Variants in PLXNA2 observed in about 807,000 individuals in gnomAD.
PLXNA2 encodes the protein plexin-A2.
Under a neutral mutation model 193.5 loss-of-function variants are expected in PLXNA2, and 91 were observed. That is an observed-to-expected ratio of 0.47 (90% CI 0.40 to 0.56). The LOEUF (loss-of-function observed/expected upper bound fraction) is 0.56. Among genes scored for constraint, PLXNA2 ranks in the 20% least tolerant of loss-of-function variants. The probability of loss-of-function intolerance (pLI) is 0.00; values close to 1 mark genes in which losing one functional copy is unlikely to be tolerated. For synonymous variants in PLXNA2, 997 were observed against 1,027.3 expected (o/e 0.97, Z 0.56); for missense variants, 1,995 against 2,503.2 (o/e 0.80, Z 4.33).
intron 3 of PLXNA2, among the ~76,000 whole-genome samples, chr1:208,194,460 C>CAAAAAAAAAAAAAAAAAAAGAAAAAAAAA (rs1670288404): frequency 1.1e-5 from 1 of 93,988 alleles, no homozygotes; most frequent in Non-Finnish European, 2.2e-5. Context: ...CAGCTTACTG[C>CAAAAAAAAAAAAAAAAAAAGAAAAAAAAA]AAAAAAAAAA....
intron 1 of PLXNA2, among the ~76,000 whole-genome samples, chr1:208,223,386 C>T (rs745683670): frequency 1.8e-4 from 27 of 152,272 alleles, no homozygotes; most frequent in Middle Eastern, 3.4e-3. Flanking sequence ...TGGAAGGGTC[C>T]TGGGAGTTAG....
At chr1:208,148,586 A>G (rs1336206227) in intron 3 of PLXNA2, among the ~76,000 whole-genome samples, 2 of 152,216 alleles carry the variant, frequency 1.3e-5, no homozygotes, top group Non-Finnish European at 2.9e-5. Context: ...AGTACTGTCC[A>G]ATATTGATTT....
chr1:208,191,487 A>G (rs1371632501), intron 3 of PLXNA2, among the ~76,000 whole-genome samples: 4 of 152,262 alleles, frequency 2.6e-5, no homozygotes, highest in African/African-American at 4.8e-5. Context: ...ATAATAGTAC[A>G]TACAACAATA....
chr1:208,042,992 T>C lies in PLXNA2; in HGVS notation c.4017+69A>G, dbSNP rs112618992. The C allele has an allele frequency of 4.8e-4, 737 of 1,543,610 alleles. 5 individuals are homozygous for C. In the African/African-American group the frequency reaches 8.9e-3, roughly 19 times the overall value. ...CCTTACTCAGTACTGCTGAGTCTCATCTGGATTTCCTAGGATACCCTGGGC... is the reference window on the plus strand; with the variant it reads ...CCTTACTCAGTACTGCTGAGTCTCACCTGGATTTCCTAGGATACCCTGGGC... On this transcript the variant is annotated intron_variant, in intron 21 of 31. Coordinates refer to ENST00000367033, the MANE Select transcript of PLXNA2 (RefSeq NM_025179.4).
At chr1:208,131,107 A>T (rs554011190) in intron 4 of PLXNA2, among the ~76,000 whole-genome samples, 8 of 152,218 alleles carry the variant, frequency 5.3e-5, no homozygotes, top group Admixed American at 1.3e-4. Flanking sequence ...CCCCTCCCTC[A>T]GGGGCACCCA....
At chr1:208,048,620 C>T (rs1665155112) in intron 17 of PLXNA2, among the ~76,000 whole-genome samples, 1 of 152,124 alleles carries the variant, frequency 6.6e-6, no homozygotes, top group Admixed American at 6.5e-5. Flanking sequence ...TAAATGAGTC[C>T]TGGTGAGGGA....
intron 4 of PLXNA2, among the ~76,000 whole-genome samples, chr1:208,116,052 C>T (rs1301040129): frequency 2.6e-5 from 4 of 152,192 alleles, no homozygotes; most frequent in Non-Finnish European, 5.9e-5. Context: ...GTCAACTGCA[C>T]TCCTGCCAGG....
At chr1:208,222,724 G>C (rs1351508003) in intron 1 of PLXNA2, among the ~76,000 whole-genome samples, 2 of 152,172 alleles carry the variant, frequency 1.3e-5, no homozygotes, top group African/African-American at 2.4e-5. Flanking sequence ...CAGGAGATCT[G>C]GGTGCACATG....
At chr1:208,068,721 A>T (rs929033200) in intron 12 of PLXNA2, among the ~76,000 whole-genome samples, 1 of 152,186 alleles carries the variant, frequency 6.6e-6, no homozygotes, top group Non-Finnish European at 1.5e-5. Context: ...CCCTGGGCAA[A>T]ACCCAGTGGA....
At chr1:208,151,075 G>A (rs1260529169) in intron 3 of PLXNA2, among the ~76,000 whole-genome samples, 7 of 152,238 alleles carry the variant, frequency 4.6e-5, no homozygotes, top group Non-Finnish European at 8.8e-5. Context: ...GCATTTGATT[G>A]TTCTGGGAAA....
chr1:208,120,856 T>C (rs1266897680), intron 4 of PLXNA2, among the ~76,000 whole-genome samples: 1 of 152,012 alleles, frequency 6.6e-6, no homozygotes, highest in Admixed American at 6.6e-5. Flanking sequence ...GAATCACCTT[T>C]GGGTCTGAGA....
intron 1 of PLXNA2, among the ~76,000 whole-genome samples, chr1:208,240,542 T>C (rs930134612): frequency 6.6e-6 from 1 of 152,124 alleles, no homozygotes; most frequent in East Asian, 1.9e-4. Context: ...TGAGCATATG[T>C]GAAGGGTAGA....
At chr1:208,029,068 G>T (rs370133068) in intron 29 of PLXNA2, 26 bp from the exon 30 acceptor site, 15 of 1,613,420 alleles carry the variant, frequency 9.3e-6, no homozygotes, top group East Asian at 8.9e-5. Context: ...GAGAAGACTT[G>T]AGAATGCATG....
chr1:208,146,678 A>T (rs942574498), intron 3 of PLXNA2, among the ~76,000 whole-genome samples: 12 of 152,202 alleles, frequency 7.9e-5, no homozygotes, highest in African/African-American at 2.4e-4. Context: ...TTTAATAGCC[A>T]ACCAATTGAG....
chr1:208,184,043 G>A (rs1669925780), intron 3 of PLXNA2, among the ~76,000 whole-genome samples: 1 of 152,192 alleles, frequency 6.6e-6, no homozygotes, highest in African/African-American at 2.4e-5. Flanking sequence ...GAACAGCACA[G>A]ATATAAAAGT....
At chr1:208,154,655 G>A (rs1290264363) in intron 3 of PLXNA2, among the ~76,000 whole-genome samples, 5 of 152,296 alleles carry the variant, frequency 3.3e-5, no homozygotes, top group Middle Eastern at 3.4e-3. Flanking sequence ...TACAAGTCTC[G>A]CCTTGGGCAG....
At chr1:208,095,967 G>C in intron 8 of PLXNA2, 62 bp downstream of exon 8, 2 of 1,274,588 alleles carry the variant, frequency 1.6e-6, no homozygotes, top group South Asian at 2.4e-5. Context: ...TTAGCATCGA[G>C]GGGAAGAAAG....
intron 2 of PLXNA2, among the ~76,000 whole-genome samples, chr1:208,211,618 A>G (rs540125557): frequency 1.3e-5 from 2 of 151,410 alleles, no homozygotes; most frequent in Non-Finnish European, 2.9e-5. Flanking sequence ...GCCTGAACCC[A>G]GGAGGCGGAG....
At chr1:208,225,623 G>A (rs1047479810) in intron 1 of PLXNA2, among the ~76,000 whole-genome samples, 2 of 152,224 alleles carry the variant, frequency 1.3e-5, no homozygotes, top group African/African-American at 4.8e-5. Flanking sequence ...CTGAGACAGG[G>A]TCTCTACAGA....
Sources: allele counts gnomAD v4.1 joint callset (sites outside exome capture counted in the v4.1 genomes callset), GRCh38; gene constraint gnomAD v4.1.1; transcripts MANE v1.5; gene names NCBI Gene and HGNC (gene_info 2026-07-23, HGNC 2026-07-21).